Variants in CLYBL observed in about 807,000 individuals in gnomAD.
The protein encoded by CLYBL is citramalyl-CoA lyase.
In CLYBL, 31 loss-of-function variants were observed where a neutral mutation model predicts 38.9. The ratio of observed to expected loss-of-function variants is 0.80; its 90% CI spans 0.60 to 1.08. The LOEUF (loss-of-function observed/expected upper bound fraction) is 1.08. CLYBL is among the 50% of genes least tolerant of loss of function. CLYBL has a pLI of 0.00. For synonymous variants in CLYBL, 171 were observed against 158.6 expected (o/e 1.08, Z -0.59); for missense variants, 434 against 411.6 (o/e 1.05, Z -0.47).
chr13:99,909,199 T>G (rs977610), exon 10 of CLYBL, among the ~76,000 whole-genome samples: 141,184 of 152,264 alleles, frequency 0.93, 65,499 homozygotes, highest in East Asian at 0.97. Context: ...GAGGCTGCAC[T>G]GTGTCATTTA....
In CLYBL at chr13:99,704,674, G is replaced by A. The variant is rs566643454; in HGVS notation, c.63-68150G>A. ...TAGAAGAACCAGGTGCACACGCCAG[G>A]TTTGGGGGCCGTTTGACAGTCAGCA... On this transcript the variant is annotated intron_variant, in intron 1 of 8. Coordinates refer to ENST00000339105, the MANE Select transcript of CLYBL (RefSeq NM_206808.5). 2.0e-5 allele frequency among the ~76,000 whole-genome samples: 3 copies of A among 152,300 alleles called. No individual in the cohort carries two copies. The South Asian group carries it at 6.2e-4, about 32-fold the overall frequency.
intron 1 of CLYBL, among the ~76,000 whole-genome samples, chr13:99,669,919 GC>G (rs2047539926): frequency 6.6e-6 from 1 of 152,126 alleles, no homozygotes; most frequent in African/African-American, 2.4e-5. Context: ...CAGGCTGGGC[GC>G]CATGGCTTAC....
At chr13:99,662,981 A>G (rs1309976789) in intron 1 of CLYBL, among the ~76,000 whole-genome samples, 1 of 152,192 alleles carries the variant, frequency 6.6e-6, no homozygotes, top group Non-Finnish European at 1.5e-5. Flanking sequence ...GATGCAGGAC[A>G]CTAAATATGT....
chr13:99,885,557 C>T (rs142014024), intron 7 of CLYBL, among the ~76,000 whole-genome samples: 99 of 152,214 alleles, frequency 6.5e-4, no homozygotes, highest in African/African-American at 2.2e-3. Context: ...GATAACAGCA[C>T]GCTCCCAACT....
At chr13:99,749,987 A>G (rs2048925110) in intron 1 of CLYBL, among the ~76,000 whole-genome samples, 1 of 152,202 alleles carries the variant, frequency 6.6e-6, no homozygotes, top group African/African-American at 2.4e-5. Flanking sequence ...AGCGGGTTGA[A>G]ATTGGTAGGT....
rs2051839468 is a variant in CLYBL at position 99,869,854 on chromosome 13, T to G, written c.803-1084T>G. ...TTCAGCAGAGTAAATGATCATTAAG[T>G]GTACATTCATTTTTAAAGAGCCAAT... On this transcript the variant is annotated intron_variant, in intron 6 of 8. Transcript: ENST00000339105. This position sits in a 1 kb window ranked among gnomAD's most constrained non-coding sequence, Gnocchi z 4.3. 6.6e-6 allele frequency among the ~76,000 whole-genome samples: 1 copy of G among 152,098 alleles called. No individual in the cohort carries two copies. The highest frequency in any genetic ancestry group is 1.5e-5 in the Non-Finnish European group (1 of 67,954).
At chr13:99,903,163 GTTGAACT>G (rs2052659802) in intron 8 of CLYBL, among the ~76,000 whole-genome samples, 1 of 152,214 alleles carries the variant, frequency 6.6e-6, no homozygotes, top group Non-Finnish European at 1.5e-5. Context: ...CATCTCCAAA[GTTGAACT>G]ACATTTTAAA....
At chr13:99,691,825 A>G (rs1594122237) in intron 1 of CLYBL, among the ~76,000 whole-genome samples, 1 of 152,160 alleles carries the variant, frequency 6.6e-6, no homozygotes, top group Non-Finnish European at 1.5e-5. Flanking sequence ...CTGCCTCCAA[A>G]TCATCACAGT....
intron 2 of CLYBL, among the ~76,000 whole-genome samples, chr13:99,848,643 C>G (rs1183862832): frequency 1.3e-5 from 2 of 152,354 alleles, no homozygotes; most frequent in Middle Eastern, 6.8e-3. Context: ...CCTGGGACCC[C>G]TCGGAGACAG....
At chr13:99,765,028 T>G (rs919963355) in intron 1 of CLYBL, among the ~76,000 whole-genome samples, 4 of 152,028 alleles carry the variant, frequency 2.6e-5, no homozygotes, top group African/African-American at 4.8e-5. Flanking sequence ...TTTTATACCT[T>G]TAAATGTTTT....
At position 99,849,278 on chromosome 13, in the gene CLYBL, G is replaced by A. The variant is rs560681514; in HGVS notation, c.250-9583G>A. On this transcript the variant is annotated intron_variant, in intron 2 of 8. Transcript: ENST00000339105. This position sits in a 1 kb window ranked among gnomAD's most constrained non-coding sequence, Gnocchi z 4.9. ...TGTAGTCCCAGTTAGTCGGGAGGCC[G>A]TGGTGGGAGGATTGCTTGAGCCCAG... Among the ~76,000 whole-genome samples the A allele has an allele frequency of 6.6e-5, 10 of 152,280 alleles. No homozygotes were observed. Among genetic ancestry groups the A allele is most frequent in the Admixed American group, 1.3e-4 (2 of 15,292 alleles).
At position 99,891,303 on chromosome 13, in the gene CLYBL, TTC is replaced by T. The variant is rs775712186; in HGVS notation, c.928-11_928-10del. The T allele has an allele frequency of 3.6e-5, 57 of 1,582,780 alleles. No individual in the cohort carries two copies. The highest frequency in any genetic ancestry group is 4.7e-5 in the Non-Finnish European group (54 of 1,151,824). ...CGAGTATTCTTTCAGGAAGTTTGTA[TTC>T]TCTGTTTTCCAGGGGGCCTTTACTT... On this transcript the variant is annotated splice_polypyrimidine_tract_variant and intron_variant, in intron 7 of 8. Transcript: ENST00000339105.
At chr13:99,846,085 T>C (rs2051197609) in intron 2 of CLYBL, among the ~76,000 whole-genome samples, 1 of 151,816 alleles carries the variant, frequency 6.6e-6, no homozygotes, top group Non-Finnish European at 1.5e-5. Context: ...TGTAGTGAAC[T>C]CTGTTTGTGC....
Position 99,831,751 on chromosome 13 carries a change from C to T in CLYBL, c.250-27110C>T, listed in dbSNP as rs147886712. Among the ~76,000 whole-genome samples, 394 of 148,544 alleles carry T rather than the reference C, an allele frequency of 2.7e-3. 1 individual carries two copies. In the Middle Eastern group the frequency reaches 0.038, roughly 14 times the overall value. ...TTTTTTTTTTGTAGAAGGAAACACA[C>T]GCTACCAGAAAAAAAGGGGCCCCAT... On this transcript the variant is annotated intron_variant, in intron 2 of 8. Transcript: ENST00000339105.
At chr13:99,833,027 T>TA (rs1566345778) in intron 2 of CLYBL, among the ~76,000 whole-genome samples, 3 of 40,388 alleles carry the variant, frequency 7.4e-5, no homozygotes, top group African/African-American at 3.0e-4. Context: ...TATATATATA[T>TA]ATATTTTTTT....
chr13:99,650,952 A>G (rs2047244816), intron 1 of CLYBL, among the ~76,000 whole-genome samples: 1 of 152,210 alleles, frequency 6.6e-6, no homozygotes. Context: ...CAATCACATT[A>G]AAATTCTCAG....
intron 1 of CLYBL, among the ~76,000 whole-genome samples, chr13:99,686,749 G>A (rs939979996): frequency 6.6e-6 from 1 of 152,124 alleles, no homozygotes; most frequent in African/African-American, 2.4e-5. Flanking sequence ...AAAACTTGAC[G>A]CAGATTCAAA....
At chr13:99,884,879 C>T (rs2052307461) in intron 7 of CLYBL, 1 of 433,072 alleles carries the variant, frequency 2.3e-6, no homozygotes, top group East Asian at 7.0e-5. Flanking sequence ...GACAGCAAAG[C>T]TTTGCCCAGA....
chr13:99,890,301 C>T (rs186103342), intron 7 of CLYBL, among the ~76,000 whole-genome samples: 1 of 152,200 alleles, frequency 6.6e-6, no homozygotes, highest in Non-Finnish European at 1.5e-5. Flanking sequence ...TCAGTTTCCT[C>T]ATCTAAAACA....
Sources: gnomAD v4.1 joint callset for allele counts (sites outside exome capture counted in the v4.1 genomes callset) on GRCh38, gnomAD v4.1.1 for gene constraint, Gnocchi (gnomAD v3.1) non-coding constraint, MANE v1.5 for transcripts, NCBI Gene and HGNC (gene_info 2026-07-23, HGNC 2026-07-21) for gene names.